ZCCHC7: variants seen among roughly 807,000 people sequenced by gnomAD.
ZCCHC7 encodes zinc finger CCHC-type containing 7, also known as zinc finger CCHC domain-containing protein 7.
Under a neutral mutation model 52.0 loss-of-function variants are expected in ZCCHC7, and 35 were observed. That is an observed-to-expected ratio of 0.67 (90% CI 0.51 to 0.89). ZCCHC7 has a LOEUF of 0.89. Ranked by LOEUF, ZCCHC7 falls within the 40% of genes least tolerant of loss-of-function variation. The probability of loss-of-function intolerance (pLI) is 0.00; values close to 1 mark genes in which losing one functional copy is unlikely to be tolerated. For missense variants in ZCCHC7, 574 were observed against 649.1 expected (o/e 0.88, Z 1.26); for synonymous variants, 217 against 221.5 (o/e 0.98, Z 0.18).
intron 2 of ZCCHC7, among the ~76,000 whole-genome samples, chr9:37,241,558 T>C (rs1311447747): frequency 6.6e-6 from 1 of 151,868 alleles, no homozygotes; most frequent in East Asian, 1.9e-4. Context: ...GGAAGTAAGG[T>C]TGACATTGGA....
chr9:37,251,056 T>A (rs544675945), intron 2 of ZCCHC7, among the ~76,000 whole-genome samples: 24 of 152,324 alleles, frequency 1.6e-4, no homozygotes, highest in Admixed American at 6.5e-4. Flanking sequence ...CTAGGCATGA[T>A]GAGTTACAAA....
intron 2 of ZCCHC7, among the ~76,000 whole-genome samples, chr9:37,244,254 A>G (rs1430152695): frequency 6.6e-6 from 1 of 151,392 alleles, no homozygotes; most frequent in Non-Finnish European, 1.5e-5. Context: ...TAAAGAAAAA[A>G]AAAAAAAGAA....
chr9:37,322,048 T>G (rs1436838108), intron 5 of ZCCHC7, among the ~76,000 whole-genome samples: 3 of 152,194 alleles, frequency 2.0e-5, no homozygotes, highest in African/African-American at 7.2e-5. Flanking sequence ...TTTTTTTGTT[T>G]TTTAAGAAAT....
At chr9:37,294,411 T>G (rs2133650320) in intron 2 of ZCCHC7, among the ~76,000 whole-genome samples, 1 of 152,328 alleles carries the variant, frequency 6.6e-6, no homozygotes, top group East Asian at 1.9e-4. Flanking sequence ...TGTGTGGTCT[T>G]TAATCCATAA....
At chr9:37,134,067 C>T (rs1842902910) in intron 2 of ZCCHC7, among the ~76,000 whole-genome samples, 1 of 152,048 alleles carries the variant, frequency 6.6e-6, no homozygotes, top group African/African-American at 2.4e-5. Flanking sequence ...ATCATATTAC[C>T]ATAGGTAAAC....
chr9:37,151,160 GT>G (rs1588384524), intron 2 of ZCCHC7, among the ~76,000 whole-genome samples: 1 of 151,876 alleles, frequency 6.6e-6, no homozygotes, highest in Non-Finnish European at 1.5e-5. Context: ...CAGAGACGGG[GT>G]TTCACCGTGT....
At chr9:37,173,689 C>T (rs547619480) in intron 2 of ZCCHC7, among the ~76,000 whole-genome samples, 5 of 152,112 alleles carry the variant, frequency 3.3e-5, no homozygotes, top group East Asian at 1.9e-4. Flanking sequence ...TTTATGTGTT[C>T]GATTTGTTAA....
intron 6 of ZCCHC7, among the ~76,000 whole-genome samples, chr9:37,337,037 T>A (rs150538061): frequency 6.6e-6 from 1 of 152,286 alleles, no homozygotes. Flanking sequence ...GAGAGGATTA[T>A]TTAACCTTTC....
intron 2 of ZCCHC7, among the ~76,000 whole-genome samples, chr9:37,275,257 CT>C (rs749594218): frequency 1.1e-4 from 17 of 151,532 alleles, no homozygotes; most frequent in African/African-American, 3.9e-4. Context: ...GCAGTACTTC[CT>C]TGATTTTCTT....
intron 2 of ZCCHC7, among the ~76,000 whole-genome samples, chr9:37,298,521 GAC>G (rs1828889124): frequency 6.6e-6 from 1 of 152,154 alleles, no homozygotes; most frequent in African/African-American, 2.4e-5. Flanking sequence ...AAATGAGACA[GAC>G]ACAAAATAGT....
intron 1 of ZCCHC7, 108 bp from the exon 2 acceptor site, chr9:37,126,204 G>T: frequency 9.1e-7 from 1 of 1,094,386 alleles, no homozygotes. Flanking sequence ...TCTGAGAATA[G>T]TGATGGCCTT....
intron 2 of ZCCHC7, among the ~76,000 whole-genome samples, chr9:37,244,498 AACTC>A (rs905631414): frequency 7.9e-5 from 12 of 152,024 alleles, no homozygotes; most frequent in South Asian, 2.1e-4. Flanking sequence ...AAAGGGAACT[AACTC>A]TTAATGTTTT....
intron 2 of ZCCHC7, among the ~76,000 whole-genome samples, chr9:37,263,962 C>T (rs1005992574): frequency 6.6e-6 from 1 of 152,214 alleles, no homozygotes; most frequent in Non-Finnish European, 1.5e-5. Flanking sequence ...ACTTCTTCCT[C>T]CAGCCAAGAC....
intron 2 of ZCCHC7, among the ~76,000 whole-genome samples, chr9:37,136,362 C>G (rs13293916): frequency 0.34 from 51,131 of 152,026 alleles, 8,956 homozygotes; most frequent in Middle Eastern, 0.41. Context: ...GGTTCATGAT[C>G]ATTGTGGCAA....
At chr9:37,220,001 TAAGGA>T (rs950619459) in intron 2 of ZCCHC7, among the ~76,000 whole-genome samples, 7 of 152,112 alleles carry the variant, frequency 4.6e-5, no homozygotes, top group African/African-American at 1.7e-4. Flanking sequence ...GTGGTATTAA[TAAGGA>T]AAGAAAGGGT....
chr9:37,191,287 T>C (rs757858459), intron 2 of ZCCHC7, among the ~76,000 whole-genome samples: 1 of 152,262 alleles, frequency 6.6e-6, no homozygotes, highest in African/African-American at 2.4e-5. Context: ...TTCTAGGAAG[T>C]TTCTTTTTGT....
chr9:37,292,612 TA>T (rs568977186), intron 2 of ZCCHC7, among the ~76,000 whole-genome samples: 148 of 150,080 alleles, frequency 9.9e-4, no homozygotes, highest in Middle Eastern at 3.4e-3. Context: ...ATAAATCCAT[TA>T]AAAAAAAACA....
chr9:37,285,597 A>G (rs1828169475), intron 2 of ZCCHC7, among the ~76,000 whole-genome samples: 1 of 152,172 alleles, frequency 6.6e-6, no homozygotes, highest in African/African-American at 2.4e-5. Context: ...ATAATTTTGA[A>G]AAAATCAAAT....
At chr9:37,215,423 A>G (rs1269673394) in intron 2 of ZCCHC7, among the ~76,000 whole-genome samples, 2 of 152,214 alleles carry the variant, frequency 1.3e-5, no homozygotes, top group Non-Finnish European at 1.5e-5. Flanking sequence ...CAGATTAATG[A>G]TGCTATTTAT....
Sources: allele counts gnomAD v4.1 joint callset (sites outside exome capture counted in the v4.1 genomes callset), GRCh38; gene constraint gnomAD v4.1.1; transcripts MANE v1.5; gene names NCBI Gene and HGNC (gene_info 2026-07-23, HGNC 2026-07-21).